Variants in FAR1 observed in about 807,000 individuals in gnomAD.
FAR1 encodes the protein male sterility domain-containing protein 2.
In FAR1, 22 loss-of-function variants were observed where a neutral mutation model predicts 61.1. The observed-to-expected ratio is 0.36, with a 90% CI of 0.26 to 0.51. The LOEUF (loss-of-function observed/expected upper bound fraction) is 0.51, where lower values mean the gene tolerates loss of function less well. FAR1 is among the 20% of genes least tolerant of loss of function. The probability of loss-of-function intolerance (pLI) is 0.95; values close to 1 mark genes in which losing one functional copy is unlikely to be tolerated. For missense variants in FAR1, 359 were observed against 626.9 expected (o/e 0.57, Z 4.56); for synonymous variants, 206 against 209.7 (o/e 0.98, Z 0.15).
intron 3 of FAR1, among the ~76,000 whole-genome samples, chr11:13,706,520 G>A (rs779056204): frequency 6.6e-5 from 10 of 151,740 alleles, no homozygotes; most frequent in Non-Finnish European, 1.5e-4. Context: ...ATTGACAAAG[G>A]TATATATATT....
chr11:13,716,381 T>G (rs1350982692), intron 9 of FAR1, among the ~76,000 whole-genome samples: 1 of 152,234 alleles, frequency 6.6e-6, no homozygotes, highest in Non-Finnish European at 1.5e-5. Context: ...ATTTTATTAT[T>G]TCTTTCAATT....
chr11:13,683,555 A>G (rs1337260702), intron 1 of FAR1, among the ~76,000 whole-genome samples: 1 of 151,820 alleles, frequency 6.6e-6, no homozygotes, highest in Non-Finnish European at 1.5e-5. Context: ...TTTTTTAACA[A>G]TTTTTCATAG....
At chr11:13,719,516 T>G (rs980133308) in intron 9 of FAR1, among the ~76,000 whole-genome samples, 2 of 152,226 alleles carry the variant, frequency 1.3e-5, no homozygotes, top group African/African-American at 4.8e-5. Context: ...TTTACTTGTT[T>G]ACATAATAAT....
intron 1 of FAR1, among the ~76,000 whole-genome samples, chr11:13,689,871 AT>A (rs1848228816): frequency 7.8e-6 from 1 of 128,880 alleles, no homozygotes; most frequent in African/African-American, 2.9e-5. Context: ...TGTCATTTCG[AT>A]CTTTTTTTTT....
chr11:13,693,285 G>A (rs1848272538), intron 1 of FAR1, among the ~76,000 whole-genome samples: 1 of 152,234 alleles, frequency 6.6e-6, no homozygotes, highest in Non-Finnish European at 1.5e-5. Context: ...CCATGGGTTG[G>A]ACAAGCTTGC....
chr11:13,714,410 T>A (rs560387170), intron 8 of FAR1, 99 bp from the exon 9 acceptor site: 1 of 1,219,614 alleles, frequency 8.2e-7, no homozygotes, highest in African/African-American at 1.6e-5. Flanking sequence ...CTCTGACATC[T>A]TTGGTAAAAT....
rs200335650 is a variant in FAR1, at chr11:13,707,976, T to G, written c.442T>G (p.Phe148Val). 6.2e-7 allele frequency: 1 copy of G among 1,609,808 alleles called. No individual in the cohort carries two copies. Among genetic ancestry groups the G allele is most frequent in the East Asian group, 2.2e-5 (1 of 44,610 alleles). The change falls in exon 4 of 12, where the codon TTC (phenylalanine) becomes GTC (valine). Residue 148 changes from phenylalanine to valine, a missense_variant. By Grantham distance (50) the Phe-to-Val change is conservative. This residue lies in a region of FAR1 where 344 missense variants were observed against 570.3 expected (regional missense o/e 0.60). Transcript: ENST00000354817. ...LAQQMKNLEVFMHVSTAYAYC... is the reference protein window; with the variant it reads ...LAQQMKNLEVVMHVSTAYAYC... ...ACAACAAATGAAGAATCTGGAAGTG[T>G]TCATGCATGTATCAACAGCATATGC...
chr11:13,707,195 A>C (rs1848441745), intron 3 of FAR1, among the ~76,000 whole-genome samples: 1 of 152,154 alleles, frequency 6.6e-6, no homozygotes, highest in Non-Finnish European at 1.5e-5. Context: ...ATGATGCTTC[A>C]TTGATAACTT....
At chr11:13,703,570 T>C (rs1848399570) in intron 3 of FAR1, among the ~76,000 whole-genome samples, 1 of 152,170 alleles carries the variant, frequency 6.6e-6, no homozygotes, top group Admixed American at 6.5e-5. Context: ...GGCGATAGGA[T>C]ATGCAAAATA....
At chr11:13,719,626 C>A (rs1848588625) in intron 9 of FAR1, among the ~76,000 whole-genome samples, 1 of 152,144 alleles carries the variant, frequency 6.6e-6, no homozygotes, top group Non-Finnish European at 1.5e-5. Flanking sequence ...TCTAGCTTAA[C>A]TTCTCTAAAC....
At position 13,712,004 on chromosome 11, in the gene FAR1, T is replaced by C; in HGVS notation, c.845T>C (p.Val282Ala). The C allele has an allele frequency of 6.2e-7, 1 of 1,613,376 alleles. No homozygotes were observed. Among genetic ancestry groups the C allele is most frequent in the Non-Finnish European group, 8.5e-7 (1 of 1,179,484 alleles). Residue 282 changes from valine (V) to alanine (A), a missense_variant, in exon 7 of 12, where the codon GTC (valine) becomes GCC (alanine). Val to Ala is a moderately conservative substitution (Grantham distance 64). Coordinates refer to ENST00000354817, the MANE Select transcript of FAR1 (RefSeq NM_032228.6). ...LADLVPVDVV[V>A]NMSLAAAWYS... ...GATCTTGTTCCTGTAGATGTAGTTGTCAACATGAGTCTTGCGGCAGCCTGG... is the reference window on the plus strand; with the variant it reads ...GATCTTGTTCCTGTAGATGTAGTTGCCAACATGAGTCTTGCGGCAGCCTGG...
In FAR1 at chr11:13,721,741, C is replaced by T; in HGVS notation, c.1139C>T (p.Thr380Ile). 1 of 1,609,956 alleles carries T rather than the reference C, an allele frequency of 6.2e-7. No homozygotes were observed. The highest frequency in any genetic ancestry group is 1.7e-4 in the Middle Eastern group (1 of 6,038). ...MTGRSPRMMK[T>I]ITRLHKAMVF... ...TTCTTACAATACAGGATGATGAAAA[C>T]AATAACTCGTCTTCACAAAGCTATG... Residue 380 changes from threonine (T) to isoleucine (I), a missense_variant, in exon 10 of 12, where the codon ACA becomes ATA. Thr to Ile is a moderately conservative substitution (Grantham distance 89). Coordinates refer to ENST00000354817, the MANE Select transcript of FAR1 (RefSeq NM_032228.6). This position sits in a 1 kb window ranked among gnomAD's most constrained non-coding sequence, Gnocchi z 4.2.
intron 11 of FAR1, 29 bp from the exon 12 acceptor site, chr11:13,728,583 T>A: frequency 1.3e-6 from 2 of 1,599,370 alleles, no homozygotes; most frequent in South Asian, 2.2e-5. Context: ...GAAAATACTG[T>A]CTAACATATC....
rs1848614127 is a variant in FAR1, at chr11:13,721,966, C to G, written c.1257+107C>G. ...CCACAGCTATTATGCAACAAGTAAG[C>G]CATTATTTATAGTCTCTCATAAAGC... is the stretch of plus-strand genomic sequence containing the variant. On this transcript the variant is annotated intron_variant, in intron 10 of 11. Transcript: ENST00000354817. The surrounding 1 kb of genome is among the most constrained non-coding windows in gnomAD (Gnocchi z 4.2). 1.1e-6 allele frequency: 1 copy of G among 887,744 alleles called. No homozygotes were observed. Among genetic ancestry groups the G allele is most frequent in the Non-Finnish European group, 1.6e-6 (1 of 607,728 alleles). 55.0% of individuals were successfully genotyped at this position (887,744 alleles called of 1,614,324 possible). A position where few individuals can be genotyped will look rare whatever the true frequency, so the allele number is the denominator to read the frequency against.
chr11:13,686,510 G>T (rs1848187326), intron 1 of FAR1: 1 of 152,020 alleles, frequency 6.6e-6, no homozygotes, highest in African/African-American at 2.4e-5. Context: ...CCAAAAAGCT[G>T]CCGTTTAAAA....
At position 13,694,857 on chromosome 11, in the gene FAR1, T is replaced by C; in HGVS notation, c.92T>C (p.Leu31Pro). 6.2e-7 allele frequency: 1 copy of C among 1,614,092 alleles called. No homozygotes were observed. The highest frequency in any genetic ancestry group is 8.5e-7 in the Non-Finnish European group (1 of 1,179,948). ...GGGAAGGTGCTTCTGGAAAAGTTGC[T>C]GAGGTCTTGTCCTAAGGTGAATTCA... is the stretch of plus-strand genomic sequence containing the variant. ...FLGKVLLEKL[L>P]RSCPKVNSVY... Residue 31 changes from leucine to proline, a missense_variant, in exon 2 of 12, where the codon CTG becomes CCG. By Grantham distance (98) the Leu-to-Pro change is moderately conservative. Transcript: ENST00000354817.
intron 1 of FAR1, chr11:13,685,409 C>T: frequency 5.1e-6 from 1 of 194,860 alleles, no homozygotes; most frequent in Non-Finnish European, 1.1e-5. Context: ...TCCAACTGTC[C>T]AGATAGTGGT....
chr11:13,693,239 GAATTTGT>G (rs1462944047), intron 1 of FAR1, among the ~76,000 whole-genome samples: 5 of 152,220 alleles, frequency 3.3e-5, no homozygotes, highest in Non-Finnish European at 7.3e-5. Flanking sequence ...GAAAGTTTAT[GAATTTGT>G]GTTGGGCTGC....
chr11:13,723,024 A>T (rs1848628774), intron 10 of FAR1, among the ~76,000 whole-genome samples: 1 of 151,826 alleles, frequency 6.6e-6, no homozygotes, highest in African/African-American at 2.4e-5. Context: ...TGATTGTCTG[A>T]TATGTGTGTT....
Sources: allele counts gnomAD v4.1 joint callset (sites outside exome capture counted in the v4.1 genomes callset), GRCh38; gene constraint gnomAD v4.1.1; regional missense constraint gnomAD v4.1.1; non-coding constraint Gnocchi (gnomAD v3.1); transcripts MANE v1.5; gene names NCBI Gene and HGNC (gene_info 2026-07-23, HGNC 2026-07-21).